The following PAFAH2 variants were observed in gnomAD, a reference collection of about 807,000 sequenced individuals.
PAFAH2 encodes the protein platelet-activating factor acetylhydrolase 2, cytoplasmic.
Under a neutral mutation model 49.0 loss-of-function variants are expected in PAFAH2, and 42 were observed. That is an observed-to-expected ratio of 0.86 (90% CI 0.67 to 1.11). The LOEUF is 1.11. Among genes scored for constraint, PAFAH2 ranks in the 50% least tolerant of loss-of-function variants. The probability of loss-of-function intolerance (pLI) is 0.00; values close to 1 mark genes in which losing one functional copy is unlikely to be tolerated. For missense variants in PAFAH2, 503 were observed against 501.8 expected, an observed-to-expected ratio of 1.00 and a Z score of -0.02; for synonymous variants, 184 against 181.3, an observed-to-expected ratio of 1.01 and a Z score of -0.12.
chr1:25,997,920 G>A (rs1488692723), intron 1 of PAFAH2, 105 bp downstream of exon 1: 1 of 152,214 alleles, frequency 6.6e-6, no homozygotes, highest in African/African-American at 2.4e-5. Flanking sequence ...AGATTAATGT[G>A]CAATTCCTAT....
At chr1:25,962,245 T>C (rs1238036742) in intron 10 of PAFAH2, among the ~76,000 whole-genome samples, 162 bp from the exon 11 acceptor site, 1 of 152,176 alleles carries the variant, frequency 6.6e-6, no homozygotes, top group Non-Finnish European at 1.5e-5. Context: ...ACGATAACTA[T>C]CATTTATTCA....
At chr1:25,997,135 T>C (rs144346991) in intron 1 of PAFAH2, among the ~76,000 whole-genome samples, 42 of 152,318 alleles carry the variant, frequency 2.8e-4, no homozygotes, top group African/African-American at 9.6e-4. Context: ...TATTTCAAGA[T>C]ACAGTCCAAG....
In PAFAH2 at chr1:25,990,743, T is replaced by G; in HGVS notation, c.74A>C (p.Glu25Ala). The change falls in exon 2 of 11, where the codon GAG becomes GCG. Residue 25 changes from glutamate (E) to alanine (A), a missense_variant. Coordinates refer to ENST00000374282, the MANE Select transcript of PAFAH2 (RefSeq NM_000437.4). The part of the protein sequence containing the change: ...PHLVGCGDVM[E>A]GQNLQGSFFR... ...GACACTTACCTGGAGATTCTGACCCTCCATCACATCCCCACAGCCTACGAG... is the reference window on the plus strand; with the variant it reads ...GACACTTACCTGGAGATTCTGACCCGCCATCACATCCCCACAGCCTACGAG... The G allele has an allele frequency of 6.2e-7, 1 of 1,613,700 alleles. No individual in the cohort carries two copies. Among genetic ancestry groups the G allele is most frequent in the Non-Finnish European group, 8.5e-7 (1 of 1,179,724 alleles).
chr1:25,964,762 T>C (rs968649427), intron 10 of PAFAH2, among the ~76,000 whole-genome samples: 4 of 152,288 alleles, frequency 2.6e-5, no homozygotes, highest in Admixed American at 1.3e-4. Context: ...AAAGAAATTG[T>C]AGATGACACA....
intron 10 of PAFAH2, among the ~76,000 whole-genome samples, chr1:25,964,725 T>C (rs186206556): frequency 1.3e-5 from 2 of 152,236 alleles, no homozygotes; most frequent in Non-Finnish European, 2.9e-5. Flanking sequence ...GAAAGATCTC[T>C]ACAAAGAGAG....
chr1:25,983,536 G>A (rs564835915), intron 6 of PAFAH2, among the ~76,000 whole-genome samples: 3 of 146,866 alleles, frequency 2.0e-5, no homozygotes, highest in Non-Finnish European at 3.0e-5. Context: ...CAATCTGGGC[G>A]ACAGAGCAAG....
intron 6 of PAFAH2, 21 bp from the exon 7 acceptor site, chr1:25,982,498 G>GT (rs2049706181): frequency 6.5e-7 from 1 of 1,533,222 alleles, no homozygotes; most frequent in Admixed American, 1.7e-5. Context: ...GACAGTCCCA[G>GT]TGGGACTGGA....
Position 25,982,528 on chromosome 1 carries a change from C to G in PAFAH2, c.553-51G>C, listed in dbSNP as rs980486721. On this transcript the variant is annotated intron_variant, in intron 6 of 10. Transcript: ENST00000374282. The stretch of plus-strand genomic sequence containing the variant: ...ACTGGAACACTCCACAACTGTCCAG[C>G]GAGAATCTCCCTCACGTACAGAGCC... 22 of 1,360,166 alleles carry G rather than the reference C, an allele frequency of 1.6e-5. No individual in the cohort carries two copies. The East Asian group carries it at 5.1e-4, about 31-fold the overall frequency. 84.3% of individuals were successfully genotyped at this position (1,360,166 alleles called of 1,614,324 possible).
intron 10 of PAFAH2, among the ~76,000 whole-genome samples, chr1:25,963,803 G>C (rs10902712): frequency 0.84 from 127,435 of 152,210 alleles, 53,441 homozygotes; most frequent in East Asian, 0.92. Flanking sequence ...GCCTGGCCAG[G>C]CCAATGTTTT....
chr1:25,963,069 C>T (rs1201234235), intron 10 of PAFAH2, among the ~76,000 whole-genome samples: 2 of 152,072 alleles, frequency 1.3e-5, no homozygotes. Context: ...AGGGTCCAAG[C>T]CCTCAGGCTG....
intron 8 of PAFAH2, among the ~76,000 whole-genome samples, chr1:25,975,486 G>A (rs1235753583): frequency 4.6e-5 from 7 of 152,044 alleles, no homozygotes; most frequent in Admixed American, 3.9e-4. Context: ...AGAGGTTGAG[G>A]CATCACTTGA....
chr1:25,974,618 G>T lies in PAFAH2; in HGVS notation c.791C>A (p.Pro264His). The T allele has an allele frequency of 3.7e-6, 6 of 1,614,036 alleles. No homozygotes were observed. Among genetic ancestry groups the T allele is most frequent in the Non-Finnish European group, 5.1e-6 (6 of 1,179,952 alleles). ...CAVALDAWMF[P>H]LERDFYPKAR... ...CTTGGGGTAAAAGTCACGTTCCAGA[G>T]GAAACATCCAAGCATCCAGAGCCAC... is the stretch of plus-strand genomic sequence containing the variant. Residue 264 changes from proline (P) to histidine (H), a missense_variant, in exon 9 of 11, where the codon CCT becomes CAT. By Grantham distance (77) the Pro-to-His change is moderately conservative. Transcript: ENST00000374282.
At chr1:25,975,143 C>A (rs1228254126) in intron 8 of PAFAH2, among the ~76,000 whole-genome samples, 2 of 152,180 alleles carry the variant, frequency 1.3e-5, no homozygotes, top group Admixed American at 1.3e-4. Context: ...TTGGTGCCAA[C>A]AGCAAAACCA....
chr1:25,976,136 C>A (rs2049584773), intron 8 of PAFAH2, among the ~76,000 whole-genome samples: 1 of 152,090 alleles, frequency 6.6e-6, no homozygotes, highest in Non-Finnish European at 1.5e-5. Context: ...GACATATCAG[C>A]CTGTTTTCTT....
In PAFAH2 at chr1:25,984,106, C is replaced by T. The variant is rs747696347; in HGVS notation, c.411-19G>A. 5.6e-6 allele frequency: 9 copies of T among 1,613,276 alleles called. No individual in the cohort carries two copies. The East Asian group carries it at 1.8e-4, about 32-fold the overall frequency. On this transcript the variant is annotated intron_variant, in intron 5 of 10. Coordinates refer to ENST00000374282, the MANE Select transcript of PAFAH2 (RefSeq NM_000437.4). The stretch of plus-strand genomic sequence containing the variant: ...CCGGTCCCTGAAATACACACATCAT[C>T]AGAGAGAAACCAGAAAACATTCTTG...
chr1:25,990,857 T>G lies in PAFAH2; in HGVS notation c.-41A>C. 1 of 1,546,096 alleles carries G rather than the reference T, an allele frequency of 6.5e-7. No individual in the cohort carries two copies. The highest frequency in any genetic ancestry group is 8.9e-7 in the Non-Finnish European group (1 of 1,118,774). On this transcript the variant is annotated 5_prime_UTR_variant, in exon 2 of 11. Transcript: ENST00000374282. ...ATCAAATGACTTGCCGGAGCTGAAC[T>G]TGCTGGCTGGATGGGGGAACACAGA...
chr1:25,995,762 T>A (rs1043500170), intron 1 of PAFAH2, among the ~76,000 whole-genome samples: 10 of 152,198 alleles, frequency 6.6e-5, no homozygotes, highest in Admixed American at 6.5e-4. Context: ...ATGCCTCATC[T>A]CTTCAGATCT....
intron 6 of PAFAH2, among the ~76,000 whole-genome samples, chr1:25,983,628 A>G (rs2049729784): frequency 6.6e-6 from 1 of 152,006 alleles, no homozygotes; most frequent in African/African-American, 2.4e-5. Context: ...AGACCCACCA[A>G]CCAAGAGAGA....
chr1:25,968,029 G>A (rs920795366), intron 10 of PAFAH2, among the ~76,000 whole-genome samples: 1 of 152,132 alleles, frequency 6.6e-6, no homozygotes, highest in Non-Finnish European at 1.5e-5. Context: ...AGCTGGGCAT[G>A]GTGGTGGGTG....
Sources: allele counts gnomAD v4.1 joint callset (sites outside exome capture counted in the v4.1 genomes callset), GRCh38; gene constraint gnomAD v4.1.1; transcripts MANE v1.5; gene names NCBI Gene and HGNC (gene_info 2026-07-23, HGNC 2026-07-21).